The following RASGRF2 variants were observed in gnomAD, a reference collection of about 807,000 sequenced individuals.
RASGRF2 encodes ras-specific guanine nucleotide-releasing factor 2.
A neutral mutation model predicts 151.0 loss-of-function variants in RASGRF2; 76 were observed. The ratio of observed to expected loss-of-function variants is 0.50; its 90% CI spans 0.42 to 0.61. RASGRF2 has a LOEUF of 0.61. Ranked by LOEUF, RASGRF2 falls within the 20% of genes least tolerant of loss-of-function variation. RASGRF2 has a pLI of 0.00. For synonymous variants in RASGRF2, 504 were observed against 566.5 expected (o/e 0.89, Z 1.57); for missense variants, 1,148 against 1,564.6 (o/e 0.73, Z 4.49).
At chr5:81,208,190 A>T (rs538142805) in intron 21 of RASGRF2, among the ~76,000 whole-genome samples, 164 bp from the exon 22 acceptor site, 1 of 152,342 alleles carries the variant, frequency 6.6e-6, no homozygotes, top group East Asian at 1.9e-4. Context: ...AAACTGCAAC[A>T]GCCGAGGTAA....
intron 1 of RASGRF2, among the ~76,000 whole-genome samples, chr5:80,988,270 C>T (rs1221442365): frequency 6.6e-6 from 1 of 152,040 alleles, no homozygotes; most frequent in Non-Finnish European, 1.5e-5. Flanking sequence ...AGGCTGGTCT[C>T]AAACTCCTGG....
At chr5:81,202,530 A>T (rs1755420768) in intron 19 of RASGRF2, among the ~76,000 whole-genome samples, 1 of 152,216 alleles carries the variant, frequency 6.6e-6, no homozygotes, top group African/African-American at 2.4e-5. Context: ...TGAAGATCCC[A>T]TAGCCAGACC....
chr5:81,084,824 C>T (rs1289238479), intron 7 of RASGRF2, among the ~76,000 whole-genome samples: 2 of 152,164 alleles, frequency 1.3e-5, no homozygotes, highest in African/African-American at 2.4e-5. Flanking sequence ...TCCCCGCAGA[C>T]GAGAGCTCCC....
chr5:81,030,111 TA>T (rs1192989143), intron 1 of RASGRF2, among the ~76,000 whole-genome samples: 1 of 151,012 alleles, frequency 6.6e-6, no homozygotes, highest in Non-Finnish European at 1.5e-5. Flanking sequence ...GAAAAAAGAG[TA>T]AAAAGAAACA....
At chr5:81,074,989 A>G (rs1751894725) in intron 5 of RASGRF2, among the ~76,000 whole-genome samples, 1 of 152,194 alleles carries the variant, frequency 6.6e-6, no homozygotes, top group African/African-American at 2.4e-5. Context: ...GACATTGGTC[A>G]GGTTTTGAGC....
intron 1 of RASGRF2, among the ~76,000 whole-genome samples, chr5:80,961,914 C>T (rs1747572271): frequency 6.6e-6 from 1 of 152,126 alleles, no homozygotes; most frequent in African/African-American, 2.4e-5. Context: ...AATTTTATGC[C>T]CCTAATGTTC....
chr5:81,100,285 A>G (rs1350141245), intron 12 of RASGRF2, among the ~76,000 whole-genome samples: 1 of 152,136 alleles, frequency 6.6e-6, no homozygotes, highest in African/African-American at 2.4e-5. Context: ...TATACTAATC[A>G]TAGGTAGCTC....
At chr5:81,087,704 A>T (rs1400351079) in intron 9 of RASGRF2, 2 of 324,494 alleles carry the variant, frequency 6.2e-6, no homozygotes, top group Non-Finnish European at 1.1e-5. Flanking sequence ...GGGGGAGGGG[A>T]GAATGCCCCA....
intron 1 of RASGRF2, among the ~76,000 whole-genome samples, chr5:81,032,262 C>T (rs1446682824): frequency 1.3e-5 from 2 of 152,130 alleles, no homozygotes; most frequent in African/African-American, 2.4e-5. Context: ...TTCCAATCAA[C>T]AGAAAAAGAG....
chr5:81,218,701 G>T (rs1380020575), intron 25 of RASGRF2, among the ~76,000 whole-genome samples: 1 of 152,142 alleles, frequency 6.6e-6, no homozygotes, highest in African/African-American at 2.4e-5. Flanking sequence ...GGTTCCATAT[G>T]AGTTTTAGAA....
chr5:81,127,923 CAAAAAAAAA>C (rs60196392), intron 17 of RASGRF2, among the ~76,000 whole-genome samples: 2 of 64,882 alleles, frequency 3.1e-5, no homozygotes, highest in African/African-American at 1.2e-4. Flanking sequence ...GACTCCGTCT[CAAAAAAAAA>C]AAAAAAAAAA....
chr5:81,217,348 T>G lies in RASGRF2; in HGVS notation c.3435-8T>G. 6.3e-7 allele frequency: 1 copy of G among 1,598,132 alleles called. No individual in the cohort carries two copies. Among genetic ancestry groups the G allele is most frequent in the Non-Finnish European group, 8.5e-7 (1 of 1,175,028 alleles). On this transcript the variant is annotated splice_region_variant and splice_polypyrimidine_tract_variant and intron_variant, in intron 24 of 26. Transcript: ENST00000265080. Reference sequence around the variant, plus strand: ...TGAGTCTCAGAACAGTGCCTCTTGGTCTTGCAGTTGTAACCCTCCTGCAGT... The same window carrying G: ...TGAGTCTCAGAACAGTGCCTCTTGGGCTTGCAGTTGTAACCCTCCTGCAGT...
At chr5:81,099,550 G>A (rs1477950099) in intron 12 of RASGRF2, among the ~76,000 whole-genome samples, 1 of 152,094 alleles carries the variant, frequency 6.6e-6, no homozygotes, top group African/African-American at 2.4e-5. Flanking sequence ...GATTCCTAGT[G>A]TGACAGACTG....
intron 1 of RASGRF2, among the ~76,000 whole-genome samples, chr5:80,969,200 A>C (rs1401685317): frequency 7.5e-6 from 1 of 133,442 alleles, no homozygotes; most frequent in African/African-American, 2.9e-5. Flanking sequence ...GCGCCATCTC[A>C]GCTCACGGCA....
intron 1 of RASGRF2, among the ~76,000 whole-genome samples, chr5:80,971,115 C>T (rs1405225209): frequency 1.3e-5 from 2 of 152,160 alleles, no homozygotes; most frequent in East Asian, 3.8e-4. Flanking sequence ...GAAAAGTACA[C>T]ACATCATAGG....
chr5:81,020,219 C>T (rs1749781336), intron 1 of RASGRF2, among the ~76,000 whole-genome samples: 1 of 152,188 alleles, frequency 6.6e-6, no homozygotes, highest in Non-Finnish European at 1.5e-5. Context: ...AACCTGCCAA[C>T]CTACAGTATC....
intron 1 of RASGRF2, among the ~76,000 whole-genome samples, chr5:81,032,353 T>G (rs1276365627): frequency 1.3e-5 from 2 of 152,164 alleles, no homozygotes; most frequent in African/African-American, 4.8e-5. Context: ...AAAAAGAGAA[T>G]TTTAGACCAA....
chr5:81,093,731 C>T (rs1752457824), intron 10 of RASGRF2, among the ~76,000 whole-genome samples: 1 of 152,122 alleles, frequency 6.6e-6, no homozygotes, highest in African/African-American at 2.4e-5. Flanking sequence ...CTGTGCCTGG[C>T]CTGTTAATAA....
chr5:81,219,833 A>T, intron 26 of RASGRF2, 55 bp downstream of exon 26: 1 of 1,403,526 alleles, frequency 7.1e-7, no homozygotes, highest in South Asian at 1.2e-5. Flanking sequence ...AAATTAATGA[A>T]TTAGAAAACA....
Sources: allele counts gnomAD v4.1 joint callset (sites outside exome capture counted in the v4.1 genomes callset), GRCh38; gene constraint gnomAD v4.1.1; transcripts MANE v1.5; gene names NCBI Gene and HGNC (gene_info 2026-07-23, HGNC 2026-07-21).